Variants in VPS13C observed in about 807,000 individuals in gnomAD.
VPS13C encodes intermembrane lipid transfer protein VPS13C.
VPS13C carries 358 observed loss-of-function variants against 456.8 expected under a neutral mutation model. That is an observed-to-expected ratio of 0.78 (90% CI 0.72 to 0.86). The LOEUF (loss-of-function observed/expected upper bound fraction) is 0.86. VPS13C is among the 40% of genes least tolerant of loss of function. The pLI, the probability that VPS13C is intolerant of heterozygous loss-of-function variation, is 0.00. For synonymous variants in VPS13C, 1,578 were observed against 1,486.7 expected (o/e 1.06, Z -1.41); for missense variants, 4,818 against 4,385.4 (o/e 1.10, Z -2.79).
Position 61,915,722 on chromosome 15 carries a change from A to G in VPS13C, c.8356T>C (p.Ser2786Pro), listed in dbSNP as rs1327100399. The change falls in exon 61 of 85, where the codon TCA becomes CCA. Residue 2786 changes from serine (S) to proline (P), a missense_variant. Coordinates refer to ENST00000644861, the MANE Select transcript of VPS13C (RefSeq NM_020821.3). ...NKTTRVLQYR[S>P]EDIHVKHPAD... Reference sequence around the variant, plus strand: ...GGATGTTTCACATGAATATCTTCTGAACGATACTGGAGAACCCGGGTAGTC... The same window carrying G: ...GGATGTTTCACATGAATATCTTCTGGACGATACTGGAGAACCCGGGTAGTC... 1 of 1,614,172 alleles carries G rather than the reference A, an allele frequency of 6.2e-7. No homozygotes were observed.
rs746674297 is a variant in VPS13C, at chr15:61,881,864, A to G, written c.9625-36T>C. 3 of 1,543,310 alleles carry G rather than the reference A, an allele frequency of 1.9e-6. No individual in the cohort carries two copies. The East Asian group carries it at 6.8e-5, about 35-fold the overall frequency. ...AGAAAACGAACTTATCAAGATTTCA[A>G]ATAATTTAAACTTTTAGTTTCAAAG... On this transcript the variant is annotated intron_variant, in intron 69 of 84. Coordinates refer to ENST00000644861, the MANE Select transcript of VPS13C (RefSeq NM_020821.3).
chr15:62,056,021 A>T (rs1438166036), intron 1 of VPS13C, among the ~76,000 whole-genome samples: 1 of 152,200 alleles, frequency 6.6e-6, no homozygotes, highest in Non-Finnish European at 1.5e-5. Context: ...AGACACTGTC[A>T]AATATACCCT....
At chr15:62,020,233 T>G (rs2047412503) in intron 9 of VPS13C, among the ~76,000 whole-genome samples, 1 of 151,898 alleles carries the variant, frequency 6.6e-6, no homozygotes, top group Non-Finnish European at 1.5e-5. Context: ...AGATACAGCT[T>G]TTATTTCTTT....
intron 9 of VPS13C, among the ~76,000 whole-genome samples, chr15:62,015,330 T>A (rs1200701652): frequency 2.0e-5 from 3 of 152,148 alleles, no homozygotes; most frequent in African/African-American, 7.2e-5. Flanking sequence ...TGGTAGTTTC[T>A]TTTGCTGTGC....
At chr15:61,897,368 A>C (rs958999813) in intron 66 of VPS13C, among the ~76,000 whole-genome samples, 34 of 152,184 alleles carry the variant, frequency 2.2e-4, no homozygotes, top group Admixed American at 1.1e-3. Context: ...AATTTAGAAG[A>C]ATGTATAACT....
At chr15:62,039,225 C>T (rs2048160879) in intron 3 of VPS13C, among the ~76,000 whole-genome samples, 1 of 151,970 alleles carries the variant, frequency 6.6e-6, no homozygotes, top group Non-Finnish European at 1.5e-5. Flanking sequence ...AAATGTGATA[C>T]ATATATACCA....
At chr15:61,922,089 C>T in intron 54 of VPS13C, 56 bp from the exon 55 acceptor site, 1 of 1,548,788 alleles carries the variant, frequency 6.5e-7, no homozygotes. Context: ...TTACATATTT[C>T]TGTAACCAAT....
At chr15:61,985,430 T>C (rs2046016788) in intron 18 of VPS13C, among the ~76,000 whole-genome samples, 1 of 152,102 alleles carries the variant, frequency 6.6e-6, no homozygotes, top group African/African-American at 2.4e-5. Flanking sequence ...CTAAGTTTTG[T>C]GTTTTTAGTA....
intron 62 of VPS13C, 121 bp from the exon 63 acceptor site, chr15:61,912,125 A>AT: frequency 1.1e-6 from 1 of 929,722 alleles, no homozygotes; most frequent in Non-Finnish European, 1.4e-6. Flanking sequence ...TAAATAAAGC[A>AT]ACTATAAGTT....
At chr15:61,974,507 C>A (rs1164357067) in intron 24 of VPS13C, 90 bp from the exon 25 acceptor site, 9 of 1,364,126 alleles carry the variant, frequency 6.6e-6, no homozygotes, top group East Asian at 4.8e-5. Flanking sequence ...TTAAAACATG[C>A]CTAAACTTTT....
intron 30 of VPS13C, among the ~76,000 whole-genome samples, chr15:61,965,442 C>A (rs1301656403): frequency 1.3e-5 from 2 of 151,474 alleles, no homozygotes; most frequent in African/African-American, 2.4e-5. Flanking sequence ...GCTAAAATAG[C>A]AATACAAATT....
intron 30 of VPS13C, among the ~76,000 whole-genome samples, chr15:61,965,399 G>C (rs2140331182): frequency 6.6e-6 from 1 of 151,966 alleles, no homozygotes; most frequent in East Asian, 1.9e-4. Flanking sequence ...TAGGGGAAAA[G>C]TACTACTTTT....
chr15:61,927,022 C>A, intron 52 of VPS13C, 69 bp downstream of exon 52: 1 of 1,380,008 alleles, frequency 7.2e-7, no homozygotes, highest in Non-Finnish European at 1.0e-6. Context: ...CTCTCATATT[C>A]TAGGATTCTA....
rs117034192 is a variant in VPS13C, at chr15:61,867,491, T to A, written c.10863+1168A>T. The A allele has an allele frequency of 9.1e-3, 9,016 of 988,582 alleles. 46 individuals carry two copies. The highest frequency in any genetic ancestry group is 0.01 in the Non-Finnish European group (8,490 of 832,318). 61.2% of individuals were successfully genotyped at this position (988,582 alleles called of 1,614,324 possible). On this transcript the variant is annotated intron_variant, in intron 81 of 84. Coordinates refer to ENST00000644861, the MANE Select transcript of VPS13C (RefSeq NM_020821.3). The surrounding 1 kb of genome is among the most constrained non-coding windows in gnomAD (Gnocchi z 5.0). ...TAACTTAAGCAAATTTAGAGCCATT[T>A]GTGAAACAGAAAGCTATGTAATTCC...
intron 80 of VPS13C, among the ~76,000 whole-genome samples, chr15:61,869,263 G>A (rs2140870142): frequency 6.6e-6 from 1 of 151,904 alleles, no homozygotes; most frequent in African/African-American, 2.4e-5. Context: ...GATTACAGGT[G>A]CCCGCCACCA....
At chr15:61,929,453 T>A in intron 51 of VPS13C, 48 bp downstream of exon 51, 1 of 1,555,188 alleles carries the variant, frequency 6.4e-7, no homozygotes, top group Non-Finnish European at 8.7e-7. Context: ...TTTGTAATTC[T>A]TGTCAAAATA....
At chr15:61,884,593 T>C (rs1049940131) in intron 67 of VPS13C, among the ~76,000 whole-genome samples, 2 of 151,884 alleles carry the variant, frequency 1.3e-5, no homozygotes, top group Non-Finnish European at 2.9e-5. Context: ...GCAACTTAGA[T>C]ACCAAAGAGA....
At position 61,853,341 on chromosome 15, in the gene VPS13C, A is replaced by C. The variant is rs909906353; in HGVS notation, c.*1116T>G. The C allele has an allele frequency of 6.6e-6, 1 of 152,216 alleles. No individual in the cohort carries two copies. The highest frequency in any genetic ancestry group is 1.5e-5 in the Non-Finnish European group (1 of 68,024). 9.4% of individuals were successfully genotyped at this position (152,216 alleles called of 1,614,324 possible). A position where few individuals can be genotyped will look rare whatever the true frequency, so the allele number is the denominator to read the frequency against. On this transcript the variant is annotated 3_prime_UTR_variant, in exon 85 of 85. Transcript: ENST00000644861. ...AATTTCTGGGAATATAAAAATATTG[A>C]ATTTTACATATTTCAGAGTCTTGAG...
intron 77 of VPS13C, among the ~76,000 whole-genome samples, chr15:61,873,650 T>TA (rs1389003732): frequency 4.6e-5 from 7 of 151,658 alleles, no homozygotes; most frequent in South Asian, 4.2e-4. Flanking sequence ...ATAGTTATTA[T>TA]AAAAAAGACA....
Sources: allele counts gnomAD v4.1 joint callset (sites outside exome capture counted in the v4.1 genomes callset), GRCh38; gene constraint gnomAD v4.1.1; non-coding constraint Gnocchi (gnomAD v3.1); transcripts MANE v1.5; gene names NCBI Gene and HGNC (gene_info 2026-07-23, HGNC 2026-07-21).